Variants in DCLK3 observed in about 807,000 individuals in gnomAD.
The protein encoded by DCLK3 is serine/threonine-protein kinase DCLK3.
A neutral mutation model predicts 46.4 loss-of-function variants in DCLK3; 30 were observed. That is an observed-to-expected ratio of 0.65 (90% CI 0.48 to 0.88). The LOEUF is 0.88. Ranked by LOEUF, DCLK3 falls within the 40% of genes least tolerant of loss-of-function variation. DCLK3 has a pLI of 0.00. For missense variants in DCLK3, 846 were observed against 907.1 expected, an observed-to-expected ratio of 0.93 and a Z score of 0.87; for synonymous variants, 401 against 339.2, an observed-to-expected ratio of 1.18 and a Z score of -2.00.
At chr3:36,720,720 T>A (rs975444200) in intron 3 of DCLK3, among the ~76,000 whole-genome samples, 8 of 152,250 alleles carry the variant, frequency 5.3e-5, no homozygotes, top group Admixed American at 3.9e-4. Context: ...TTGGCCAGGA[T>A]GGTTTCAAAT....
At chr3:36,735,708 C>T (rs1012273428) in intron 2 of DCLK3, among the ~76,000 whole-genome samples, 1 of 152,232 alleles carries the variant, frequency 6.6e-6, no homozygotes, top group Non-Finnish European at 1.5e-5. Context: ...AATGATGTGA[C>T]TTTGAATGCT....
chr3:36,718,406 A>G (rs571978247), intron 3 of DCLK3, among the ~76,000 whole-genome samples: 2 of 152,322 alleles, frequency 1.3e-5, no homozygotes, highest in East Asian at 3.9e-4. Context: ...CCACTTTGCA[A>G]TGCCTTATTA....
chr3:36,737,667 C>T lies in DCLK3; in HGVS notation c.1500G>A (p.Glu500=). The T allele has an allele frequency of 6.2e-7, 1 of 1,613,510 alleles. No homozygotes were observed. The highest frequency in any genetic ancestry group is 8.5e-7 in the Non-Finnish European group (1 of 1,179,802). The part of the protein sequence containing the change: ...LEKEPKTRPE[E]NKPERPSGRK... ...GACCGCTGGGCCGCTCTGGCTTGTT[C>T]TCTTCTGGCCTCGTCTTGGGCTCCT... is the stretch of plus-strand genomic sequence containing the variant. The change falls in exon 2 of 5, where the codon GAG becomes GAA. Residue 500 remains glutamate (E), a synonymous_variant. Coordinates refer to ENST00000636136, the MANE Select transcript of DCLK3 (RefSeq NM_001394672.2). The surrounding 1 kb of genome is among the most constrained non-coding windows in gnomAD (Gnocchi z 4.4).
At position 36,740,122 on chromosome 3, in the gene DCLK3, C is replaced by CTT. The variant is rs1179146362; in HGVS notation, c.83-1040_83-1039dup. On this transcript the variant is annotated intron_variant, in intron 1 of 4. Transcript: ENST00000636136. ...GAACCTGGACAAATTATTTGCATTT[C>CTT]TTTTTTTTTTTTTTTTTTTTTCATT... Among the ~76,000 whole-genome samples the CTT allele has an allele frequency of 1.0e-3, 103 of 99,690 alleles. 1 individual carries two copies. Among genetic ancestry groups the CTT allele is most frequent in the African/African-American group, 3.5e-3 (96 of 27,626 alleles). 65.4% of individuals were successfully genotyped at this position (99,690 alleles called of 152,430 possible). A position where few individuals can be genotyped will look rare whatever the true frequency, so the allele number is the denominator to read the frequency against.
At chr3:36,725,557 C>T (rs1701116898) in intron 2 of DCLK3, among the ~76,000 whole-genome samples, 1 of 151,646 alleles carries the variant, frequency 6.6e-6, no homozygotes, top group Non-Finnish European at 1.5e-5. Context: ...GTCGAGGCTG[C>T]AGTGTGCCAT....
rs879123717 is a variant in DCLK3, at chr3:36,712,976, C to T, written c.*2352G>A. 6 of 152,134 alleles carry T rather than the reference C, an allele frequency of 3.9e-5. No individual in the cohort carries two copies. The highest frequency in any genetic ancestry group is 1.4e-4 in the African/African-American group (6 of 41,420). 9.4% of individuals were successfully genotyped at this position (152,134 alleles called of 1,614,324 possible). A position where few individuals can be genotyped will look rare whatever the true frequency, so the allele number is the denominator to read the frequency against. ...GAAGTGGAATATCATATGGTAGGTA[C>T]ATGTTTAACTTTTAAAGGAACTACC... On this transcript the variant is annotated 3_prime_UTR_variant, in exon 5 of 5. Transcript: ENST00000636136.
intron 1 of DCLK3, among the ~76,000 whole-genome samples, chr3:36,749,502 T>A (rs1188633989): frequency 3.9e-5 from 6 of 152,380 alleles, no homozygotes; most frequent in African/African-American, 1.4e-4. Flanking sequence ...ATCTCCTTTT[T>A]TCTAGAGATG....
At chr3:36,732,582 A>G (rs1366635853) in intron 2 of DCLK3, among the ~76,000 whole-genome samples, 1 of 152,186 alleles carries the variant, frequency 6.6e-6, no homozygotes, top group Non-Finnish European at 1.5e-5. Flanking sequence ...TGACCTAAAG[A>G]CTTGTGTCAC....
intron 2 of DCLK3, among the ~76,000 whole-genome samples, chr3:36,731,066 G>A (rs1401072167): frequency 3.3e-5 from 5 of 152,114 alleles, no homozygotes; most frequent in African/African-American, 4.8e-5. Context: ...ATGTGAATGC[G>A]AAGGGAAGCT....
chr3:36,752,381 G>A (rs116827068), intron 1 of DCLK3, among the ~76,000 whole-genome samples: 2 of 152,220 alleles, frequency 1.3e-5, no homozygotes, highest in African/African-American at 2.4e-5. Flanking sequence ...GAGCTGTCCC[G>A]GAATAATTAC....
chr3:36,758,483 A>G (rs1701508915), intron 1 of DCLK3, among the ~76,000 whole-genome samples: 1 of 152,184 alleles, frequency 6.6e-6, no homozygotes, highest in South Asian at 2.1e-4. Flanking sequence ...GACTGACAAA[A>G]GGGCTGAAAA....
intron 1 of DCLK3, among the ~76,000 whole-genome samples, chr3:36,758,931 T>C (rs1347575046): frequency 6.6e-6 from 1 of 152,232 alleles, no homozygotes; most frequent in East Asian, 1.9e-4. Context: ...CAAAAATAAC[T>C]TCATCCAGAA....
intron 2 of DCLK3, among the ~76,000 whole-genome samples, chr3:36,725,268 C>G (rs1325521887): frequency 6.8e-6 from 1 of 146,686 alleles, no homozygotes; most frequent in Non-Finnish European, 1.5e-5. Flanking sequence ...GCTGAGCTCG[C>G]GCCACTGCAC....
chr3:36,742,783 G>T (rs1701356966), intron 1 of DCLK3, among the ~76,000 whole-genome samples: 1 of 152,176 alleles, frequency 6.6e-6, no homozygotes, highest in Non-Finnish European at 1.5e-5. Context: ...AGAAGACTAT[G>T]AATGCCTGGT....
At chr3:36,723,864 C>G (rs1701092921) in intron 2 of DCLK3, among the ~76,000 whole-genome samples, 1 of 152,212 alleles carries the variant, frequency 6.6e-6, no homozygotes. Context: ...ATCCCCCAAA[C>G]AGAGTCCCTA....
chr3:36,733,564 T>G (rs1027684143), intron 2 of DCLK3, among the ~76,000 whole-genome samples: 5 of 152,180 alleles, frequency 3.3e-5, no homozygotes, highest in African/African-American at 1.2e-4. Context: ...TCCTGTTTGC[T>G]TCCCCACTTC....
At chr3:36,762,409 G>A (rs1398940987) in intron 1 of DCLK3, among the ~76,000 whole-genome samples, 1 of 152,154 alleles carries the variant, frequency 6.6e-6, no homozygotes, top group Non-Finnish European at 1.5e-5. Context: ...AAATGGTAGG[G>A]ATGTGAAGAA....
chr3:36,717,527 G>C (rs534326063), intron 4 of DCLK3, among the ~76,000 whole-genome samples: 3 of 152,300 alleles, frequency 2.0e-5, no homozygotes, highest in Admixed American at 1.3e-4. Context: ...GAATCAAATG[G>C]AACAGAGGGC....
intron 1 of DCLK3, among the ~76,000 whole-genome samples, chr3:36,762,674 C>T (rs764586520): frequency 1.3e-5 from 2 of 152,106 alleles, no homozygotes; most frequent in African/African-American, 4.8e-5. Flanking sequence ...TAGGCTCTGC[C>T]GCCCAAGGGT....
Sources: allele counts gnomAD v4.1 joint callset (sites outside exome capture counted in the v4.1 genomes callset), GRCh38; gene constraint gnomAD v4.1.1; non-coding constraint Gnocchi (gnomAD v3.1); transcripts MANE v1.5; gene names NCBI Gene and HGNC (gene_info 2026-07-23, HGNC 2026-07-21).